APBB2: variants seen among roughly 807,000 people sequenced by gnomAD.
APBB2 encodes amyloid beta precursor protein binding family B member 2, also known as Fe65-like 1.
A neutral mutation model predicts 82.5 loss-of-function variants in APBB2; 38 were observed. The observed-to-expected ratio is 0.46, with a 90% CI of 0.36 to 0.60. The LOEUF (loss-of-function observed/expected upper bound fraction) is 0.60, where lower values mean the gene tolerates loss of function less well. Among genes scored for constraint, APBB2 ranks in the 20% least tolerant of loss-of-function variants. The probability of loss-of-function intolerance (pLI) is 0.00; values close to 1 mark genes in which losing one functional copy is unlikely to be tolerated. For synonymous variants in APBB2, 341 were observed against 368.2 expected, an observed-to-expected ratio of 0.93 and a Z score of 0.85; for missense variants, 772 against 972.3, an observed-to-expected ratio of 0.79 and a Z score of 2.74.
At chr4:40,865,592 T>TG (rs1763861842) in intron 12 of APBB2, among the ~76,000 whole-genome samples, 2 of 152,242 alleles carry the variant, frequency 1.3e-5, no homozygotes, top group Non-Finnish European at 1.5e-5. Context: ...TCACTTAGCA[T>TG]AATTGTTGAG....
chr4:40,905,719 G>C (rs73150535), intron 10 of APBB2, among the ~76,000 whole-genome samples: 1,884 of 152,278 alleles, frequency 0.012, 31 homozygotes, highest in African/African-American at 0.043. Context: ...CTCCAGTGGG[G>C]GCTGAGATGA....
At chr4:40,931,342 G>A (rs1045882672) in intron 10 of APBB2, among the ~76,000 whole-genome samples, 1 of 152,084 alleles carries the variant, frequency 6.6e-6, no homozygotes. Context: ...GCAGTGCCTC[G>A]ATTATGGCTC....
At chr4:40,994,020 T>C (rs1391106198) in intron 6 of APBB2, among the ~76,000 whole-genome samples, 1 of 152,006 alleles carries the variant, frequency 6.6e-6, no homozygotes, top group African/African-American at 2.4e-5. Context: ...CTGGGCGCGG[T>C]AGCTCACACC....
chr4:41,203,739 T>C lies in APBB2; in HGVS notation c.-417+10666A>G, dbSNP rs569282470. On this transcript the variant is annotated intron_variant, in intron 1 of 17. Transcript: ENST00000508593. The stretch of plus-strand genomic sequence containing the variant: ...CCCAGTACTCCAGGCCTGGTTCCCT[T>C]CCTGTGTGAACTGTTTCCTGGGCCG... Among the ~76,000 whole-genome samples, 4 of 152,236 alleles carry C rather than the reference T, an allele frequency of 2.6e-5. No individual in the cohort carries two copies. The South Asian group carries it at 8.3e-4, about 32-fold the overall frequency.
chr4:41,116,501 G>A (rs1288503392), intron 2 of APBB2, among the ~76,000 whole-genome samples: 1 of 152,050 alleles, frequency 6.6e-6, no homozygotes, highest in African/African-American at 2.4e-5. Flanking sequence ...CATGGTGGCG[G>A]GTGCCTGTAA....
chr4:40,971,070 T>G (rs971726645), intron 6 of APBB2, among the ~76,000 whole-genome samples: 1 of 152,210 alleles, frequency 6.6e-6, no homozygotes, highest in Non-Finnish European at 1.5e-5. Context: ...AAGTTCCTAG[T>G]ATGGGTGAAC....
At chr4:41,025,071 G>C (rs913800280) in intron 5 of APBB2, among the ~76,000 whole-genome samples, 2 of 152,134 alleles carry the variant, frequency 1.3e-5, no homozygotes, top group Non-Finnish European at 2.9e-5. Flanking sequence ...CCCAGTTTTT[G>C]GATGTTAATC....
At chr4:41,049,617 C>T (rs1725183820) in intron 4 of APBB2, among the ~76,000 whole-genome samples, 1 of 152,182 alleles carries the variant, frequency 6.6e-6, no homozygotes, top group Non-Finnish European at 1.5e-5. Context: ...CCGGCCACCA[C>T]CCCGTCTGGG....
intron 12 of APBB2, among the ~76,000 whole-genome samples, chr4:40,874,281 T>C (rs1407063559): frequency 6.6e-6 from 1 of 152,228 alleles, no homozygotes; most frequent in Non-Finnish European, 1.5e-5. Flanking sequence ...CTTACATGCA[T>C]ATCCTTTGAG....
chr4:41,075,999 G>A (rs189079616), intron 3 of APBB2, among the ~76,000 whole-genome samples: 129 of 152,240 alleles, frequency 8.5e-4, no homozygotes, highest in Admixed American at 1.0e-3. Flanking sequence ...ATTACAACCC[G>A]GTGCTTATCT....
At chr4:40,924,294 G>C (rs113422261) in intron 10 of APBB2, among the ~76,000 whole-genome samples, 1,895 of 152,280 alleles carry the variant, frequency 0.012, 59 homozygotes, top group African/African-American at 0.043. Context: ...TTTCTGCCCT[G>C]TACTGAAGGC....
chr4:41,150,065 G>C (rs1761847278), intron 1 of APBB2, among the ~76,000 whole-genome samples: 1 of 152,120 alleles, frequency 6.6e-6, no homozygotes, highest in Admixed American at 6.5e-5. Flanking sequence ...AAAATACAAA[G>C]CCCAAGTACT....
intron 15 of APBB2, among the ~76,000 whole-genome samples, chr4:40,824,474 A>AGC (rs1749166076): frequency 1.3e-5 from 2 of 152,110 alleles, no homozygotes; most frequent in South Asian, 4.1e-4. Flanking sequence ...ACATTCACAG[A>AGC]GCGCACCCAT....
Position 41,081,512 on chromosome 4 carries a change from A to C in APBB2, c.-148-15839T>G, listed in dbSNP as rs990789960. Among the ~76,000 whole-genome samples the C allele has an allele frequency of 3.3e-5, 5 of 152,366 alleles. No homozygotes were observed. The South Asian group carries it at 1.0e-3, about 32-fold the overall frequency. ...AAAGGAGGTAAATTCATAGCTAGCT[A>C]ATCACCTTTAATGCTAGAACCATAA... On this transcript the variant is annotated intron_variant, in intron 3 of 17. Coordinates refer to ENST00000508593, the MANE Select transcript of APBB2 (RefSeq NM_004307.2).
intron 3 of APBB2, among the ~76,000 whole-genome samples, chr4:41,080,591 T>C (rs999283309): frequency 1.3e-5 from 2 of 152,202 alleles, no homozygotes; most frequent in Non-Finnish European, 2.9e-5. Context: ...TCCTGTGGTG[T>C]TATTTCATAA....
chr4:40,858,533 T>C (rs2154332854), intron 12 of APBB2, among the ~76,000 whole-genome samples: 1 of 148,140 alleles, frequency 6.8e-6, no homozygotes, highest in East Asian at 2.0e-4. Flanking sequence ...CAAAGTCTCA[T>C]ACGCTCCTTT....
chr4:41,137,784 T>C (rs576711540), intron 2 of APBB2, among the ~76,000 whole-genome samples: 2 of 152,196 alleles, frequency 1.3e-5, no homozygotes, highest in African/African-American at 2.4e-5. Context: ...TGCTAAGACC[T>C]ATATGCAAAA....
At chr4:41,034,443 G>A (rs1718336662) in intron 4 of APBB2, among the ~76,000 whole-genome samples, 1 of 152,164 alleles carries the variant, frequency 6.6e-6, no homozygotes, top group Non-Finnish European at 1.5e-5. Flanking sequence ...TCCTGCCTCA[G>A]CCTCCCGAGT....
intron 5 of APBB2, among the ~76,000 whole-genome samples, chr4:41,016,049 G>A (rs1379519385): frequency 6.6e-6 from 1 of 151,572 alleles, no homozygotes; most frequent in East Asian, 1.9e-4. Context: ...GGGCCTACCT[G>A]AAACCTACAT....
Sources: allele counts gnomAD v4.1 joint callset (sites outside exome capture counted in the v4.1 genomes callset), GRCh38; gene constraint gnomAD v4.1.1; transcripts MANE v1.5; gene names NCBI Gene and HGNC (gene_info 2026-07-23, HGNC 2026-07-21).